The following GALNT17 variants were observed in gnomAD, a reference collection of about 807,000 sequenced individuals.
GALNT17 encodes the protein polypeptide N-acetylgalactosaminyltransferase 17, also known as UDP-GalNAc:polypeptide N-acetylgalactosaminyltransferase-like 3.
A neutral mutation model predicts 63.7 loss-of-function variants in GALNT17; 29 were observed. The ratio of observed to expected loss-of-function variants is 0.46; its 90% CI spans 0.34 to 0.62. The LOEUF is 0.62. Ranked by LOEUF, GALNT17 falls within the 20% of genes least tolerant of loss-of-function variation. GALNT17 has a pLI of 0.01. For missense variants in GALNT17, 603 were observed against 799.6 expected (o/e 0.75, Z 2.97); for synonymous variants, 305 against 318.3 (o/e 0.96, Z 0.45).
chr7:71,349,544 C>A (rs1171467865), intron 2 of GALNT17, among the ~76,000 whole-genome samples: 1 of 152,152 alleles, frequency 6.6e-6, no homozygotes, highest in Non-Finnish European at 1.5e-5. Context: ...TAAAAATAGT[C>A]ACATGCGGTA....
At chr7:71,533,231 C>T (rs1240599190) in intron 5 of GALNT17, among the ~76,000 whole-genome samples, 6 of 152,134 alleles carry the variant, frequency 3.9e-5, no homozygotes, top group Admixed American at 6.6e-5. Flanking sequence ...TTCATTTTCC[C>T]TGCCAGAATC....
At position 71,322,876 on chromosome 7, in the gene GALNT17, TC is replaced by T. The variant is rs35193810; in HGVS notation, c.239-12671del. 3.5e-3 allele frequency among the ~76,000 whole-genome samples: 526 copies of T among 152,182 alleles called. 2 individuals carry two copies. The highest frequency in any genetic ancestry group is 0.012 in the African/African-American group (481 of 41,540). On this transcript the variant is annotated intron_variant, in intron 1 of 10. Coordinates refer to ENST00000333538, the MANE Select transcript of GALNT17 (RefSeq NM_022479.3). The stretch of plus-strand genomic sequence containing the variant: ...TCTGCGTTTACCTTAATCTTGGACT[TC>T]CCAGCCTCTAGAACTATGAGACATA...
intron 1 of GALNT17, among the ~76,000 whole-genome samples, chr7:71,295,144 C>T (rs74803832): frequency 0.026 from 3,938 of 152,266 alleles, 88 homozygotes; most frequent in East Asian, 0.13. Flanking sequence ...CTAAGTTCTA[C>T]GAGAACGCTG....
chr7:71,232,013 G>T (rs988201138), intron 1 of GALNT17, among the ~76,000 whole-genome samples: 2 of 152,120 alleles, frequency 1.3e-5, no homozygotes, highest in Non-Finnish European at 2.9e-5. Context: ...TTATATGAGG[G>T]TCTTTAGTAG....
At chr7:71,317,150 C>T (rs950951067) in intron 1 of GALNT17, among the ~76,000 whole-genome samples, 7 of 152,292 alleles carry the variant, frequency 4.6e-5, no homozygotes, top group East Asian at 1.9e-4. Flanking sequence ...TTACCCCCAA[C>T]GTGCCTGCTG....
chr7:71,381,607 C>T (rs1450852119), intron 2 of GALNT17, among the ~76,000 whole-genome samples: 1 of 151,926 alleles, frequency 6.6e-6, no homozygotes, highest in Non-Finnish European at 1.5e-5. Flanking sequence ...GGTGGAACCC[C>T]ATCTTTACTA....
intron 1 of GALNT17, among the ~76,000 whole-genome samples, chr7:71,257,247 T>C (rs986379442): frequency 3.9e-5 from 6 of 152,212 alleles, no homozygotes. Context: ...ACACGAGTTG[T>C]CTTATTATTC....
intron 6 of GALNT17, among the ~76,000 whole-genome samples, chr7:71,589,228 T>C (rs945987965): frequency 3.3e-5 from 5 of 152,138 alleles, no homozygotes; most frequent in Non-Finnish European, 5.9e-5. Flanking sequence ...AGGTACCAGT[T>C]TTGAGAATGA....
chr7:71,678,559 A>G (rs1044356192), intron 9 of GALNT17, among the ~76,000 whole-genome samples: 2 of 151,730 alleles, frequency 1.3e-5, no homozygotes, highest in Non-Finnish European at 2.9e-5. Context: ...GTGCTATGGG[A>G]GGCTGAGGTG....
At chr7:71,224,300 T>C (rs1789642188) in intron 1 of GALNT17, among the ~76,000 whole-genome samples, 1 of 152,158 alleles carries the variant, frequency 6.6e-6, no homozygotes. Context: ...CGCCTTGTCC[T>C]CCCAAAGTTT....
intron 6 of GALNT17, among the ~76,000 whole-genome samples, chr7:71,640,376 T>C (rs1790587002): frequency 6.6e-6 from 1 of 152,176 alleles, no homozygotes; most frequent in Admixed American, 6.6e-5. Context: ...GGCTCTTGGC[T>C]TGGAATCCAC....
chr7:71,217,210 A>G (rs1330275157), intron 1 of GALNT17, among the ~76,000 whole-genome samples: 2 of 139,586 alleles, frequency 1.4e-5, no homozygotes, highest in Non-Finnish European at 3.0e-5. Flanking sequence ...TTGAACTCCC[A>G]TATGATCGCC....
At chr7:71,623,321 C>T (rs1383647325) in intron 6 of GALNT17, among the ~76,000 whole-genome samples, 1 of 150,668 alleles carries the variant, frequency 6.6e-6, no homozygotes, top group Non-Finnish European at 1.5e-5. Context: ...TAAATACATG[C>T]AAATGACTAA....
intron 6 of GALNT17, among the ~76,000 whole-genome samples, chr7:71,601,345 A>G (rs1170889457): frequency 3.3e-5 from 5 of 152,086 alleles, no homozygotes; most frequent in Non-Finnish European, 7.4e-5. Flanking sequence ...TTAGTTCCTT[A>G]AGGAATCTCC....
intron 5 of GALNT17, among the ~76,000 whole-genome samples, chr7:71,465,132 G>T (rs910904181): frequency 2.6e-5 from 4 of 152,068 alleles, no homozygotes; most frequent in East Asian, 1.9e-4. Flanking sequence ...TGGCAGCAAG[G>T]GTACAAGGAT....
intron 5 of GALNT17, among the ~76,000 whole-genome samples, chr7:71,458,101 G>A (rs1787386520): frequency 6.6e-6 from 1 of 152,052 alleles, no homozygotes; most frequent in South Asian, 2.1e-4. Context: ...TGTGTGAGGG[G>A]TCACCTGCTG....
chr7:71,673,448 G>T (rs900219382), intron 8 of GALNT17, among the ~76,000 whole-genome samples: 1 of 152,148 alleles, frequency 6.6e-6, no homozygotes, highest in Non-Finnish European at 1.5e-5. Flanking sequence ...TGCTATTTTA[G>T]ATTGGAAGCA....
chr7:71,290,504 G>T (rs1790960652), intron 1 of GALNT17, among the ~76,000 whole-genome samples: 1 of 152,136 alleles, frequency 6.6e-6, no homozygotes, highest in Non-Finnish European at 1.5e-5. Context: ...ATGGCCCGGG[G>T]AGGCTACCCT....
chr7:71,465,440 A>G (rs1326173630), intron 5 of GALNT17, among the ~76,000 whole-genome samples: 1 of 152,196 alleles, frequency 6.6e-6, no homozygotes, highest in East Asian at 1.9e-4. Flanking sequence ...TAATTTAAAG[A>G]AGAAAAGCTT....
Sources: allele counts gnomAD v4.1 joint callset (sites outside exome capture counted in the v4.1 genomes callset), GRCh38; gene constraint gnomAD v4.1.1; transcripts MANE v1.5; gene names NCBI Gene and HGNC (gene_info 2026-07-23, HGNC 2026-07-21).